Variants in SNU13 observed in about 807,000 individuals in gnomAD.
SNU13 encodes the protein small nuclear ribonucleoprotein 13, also known as NHP2-like protein 1.
SNU13 carries 2 observed loss-of-function variants against 12.4 expected under a neutral mutation model. The observed-to-expected ratio is 0.16, with a 90% CI of 0.07 to 0.51. The LOEUF (loss-of-function observed/expected upper bound fraction) is 0.51. Ranked by LOEUF, SNU13 falls within the 20% of genes least tolerant of loss-of-function variation. The pLI, the probability that SNU13 is intolerant of heterozygous loss-of-function variation, is 0.96. For missense variants in SNU13, 66 were observed against 157.8 expected, an observed-to-expected ratio of 0.42 and a Z score of 3.12; for synonymous variants, 68 against 66.5, an observed-to-expected ratio of 1.02 and a Z score of -0.11.
chr22:41,683,677 A>G (rs1278416351), intron 1 of SNU13, among the ~76,000 whole-genome samples: 1 of 152,234 alleles, frequency 6.6e-6, no homozygotes, highest in African/African-American at 2.4e-5. Context: ...GAGTCAAAAG[A>G]TATAATATGC....
intron 2 of SNU13, among the ~76,000 whole-genome samples, chr22:41,679,006 C>A (rs1601570772): frequency 6.6e-6 from 1 of 152,158 alleles, no homozygotes; most frequent in African/African-American, 2.4e-5. Flanking sequence ...TGCTGTTATC[C>A]TAACACTTTG....
At chr22:41,677,414 A>G (rs1000288149) in intron 2 of SNU13, among the ~76,000 whole-genome samples, 3 of 152,038 alleles carry the variant, frequency 2.0e-5, no homozygotes, top group Non-Finnish European at 4.4e-5. Context: ...AGTTCCAGCT[A>G]CCTGGGACGC....
intron 1 of SNU13, chr22:41,681,657 T>C (rs970519370): frequency 6.6e-6 from 1 of 152,130 alleles, no homozygotes; most frequent in African/African-American, 2.4e-5. Context: ...AAATTCTTAC[T>C]TTATAGATAT....
At chr22:41,688,428 CA>C (rs2068330035) in intron 1 of SNU13, 3 of 237,428 alleles carry the variant, frequency 1.3e-5, no homozygotes, top group Non-Finnish European at 2.4e-5. Flanking sequence ...TGAAAAGAAA[CA>C]AGGAAAAAAA....
At position 41,688,861 on chromosome 22, in the gene SNU13, TG is replaced by T; in HGVS notation, c.-66del. The T allele has an allele frequency of 6.5e-7, 1 of 1,533,428 alleles. No homozygotes were observed. Among genetic ancestry groups the T allele is most frequent in the African/African-American group, 1.4e-5 (1 of 73,154 alleles). The allele number at this position is 1,533,428 out of a possible 1,614,324, so 95.0% of individuals were successfully genotyped here. A position where few individuals can be genotyped will look rare whatever the true frequency, so the allele number is the denominator to read the frequency against. On this transcript the variant is annotated 5_prime_UTR_variant, in exon 1 of 3. Coordinates refer to ENST00000401959, the MANE Select transcript of SNU13 (RefSeq NM_001003796.2). ...AGCTGACGTTTCAGAAGCACTCGCG[TG>T]CACCGGAAAAACTCACAGAAGCAGC...
At chr22:41,688,953 C>T, upstream of SNU13, 1 of 1,367,658 alleles carries the variant, frequency 7.3e-7, no homozygotes, top group Non-Finnish European at 9.5e-7. Context: ...GCCCCGCCCT[C>T]TACGGGGGCA....
chr22:41,685,629 G>A (rs1209180390), intron 1 of SNU13, among the ~76,000 whole-genome samples: 1 of 151,348 alleles, frequency 6.6e-6, no homozygotes, highest in Non-Finnish European at 1.5e-5. Flanking sequence ...TGGGTTTACA[G>A]GCATGAGCCA....
At chr22:41,678,008 C>A (rs1212143767) in intron 2 of SNU13, among the ~76,000 whole-genome samples, 1 of 150,728 alleles carries the variant, frequency 6.6e-6, no homozygotes, top group Non-Finnish European at 1.5e-5. Context: ...CGGAGTCTCA[C>A]TCTGTCGCCC....
At chr22:41,682,235 G>A (rs1176462701) in intron 1 of SNU13, 17 of 1,063,282 alleles carry the variant, frequency 1.6e-5, no homozygotes, top group Non-Finnish European at 2.2e-5. Context: ...GCCCGACACC[G>A]CGCACCTGCC....
rs569307972 is a variant in SNU13 at position 41,687,076 on chromosome 22, C to G, written c.3+1718G>C. 4.6e-5 allele frequency among the ~76,000 whole-genome samples: 7 copies of G among 152,132 alleles called. No homozygotes were observed. In the South Asian group the frequency reaches 1.2e-3, roughly 27 times the overall value. ...GTTCAAGCGATTCTCCTTGCCTCAGCCTCCCAAGTAGCTGGGATTACAGGT... is the reference window on the plus strand; with the variant it reads ...GTTCAAGCGATTCTCCTTGCCTCAGGCTCCCAAGTAGCTGGGATTACAGGT... On this transcript the variant is annotated intron_variant, in intron 1 of 2. Transcript: ENST00000401959.
chr22:41,686,320 T>A (rs995199046), intron 1 of SNU13, among the ~76,000 whole-genome samples: 4 of 151,234 alleles, frequency 2.6e-5, no homozygotes, highest in Non-Finnish European at 4.4e-5. Context: ...TTTTTTTTTT[T>A]AAGAGACGGC....
At chr22:41,679,419 G>A (rs1174053039) in intron 2 of SNU13, among the ~76,000 whole-genome samples, 1 of 152,084 alleles carries the variant, frequency 6.6e-6, no homozygotes, top group African/African-American at 2.4e-5. Context: ...AGCTGGACGT[G>A]GTGGTGCATG....
upstream of SNU13, chr22:41,689,161 A>T: frequency 2.1e-6 from 2 of 934,256 alleles, no homozygotes; most frequent in Non-Finnish European, 2.6e-6. Flanking sequence ...CAGGAGTTCG[A>T]GACCAGCCTG....
At chr22:41,687,169 G>A (rs1027269726) in intron 1 of SNU13, among the ~76,000 whole-genome samples, 3 of 151,048 alleles carry the variant, frequency 2.0e-5, no homozygotes, top group Non-Finnish European at 4.4e-5. Context: ...ATGTTGGCCA[G>A]GCTGGTCTCA....
intron 1 of SNU13, among the ~76,000 whole-genome samples, chr22:41,687,246 C>T (rs1055904118): frequency 3.3e-5 from 5 of 152,158 alleles, no homozygotes; most frequent in African/African-American, 4.8e-5. Context: ...CATGAGCCAC[C>T]GCGCCTGGCC....
intron 1 of SNU13, chr22:41,682,247 T>G: frequency 4.9e-6 from 6 of 1,215,860 alleles, no homozygotes; most frequent in Non-Finnish European, 7.3e-6. Flanking sequence ...GCACCTGCCT[T>G]TTCCTCCTTC....
intron 2 of SNU13, 48 bp downstream of exon 2, chr22:41,680,196 A>G (rs1329909442): frequency 1.9e-6 from 3 of 1,571,216 alleles, no homozygotes; most frequent in Non-Finnish European, 1.7e-6. Flanking sequence ...CCCCAGATGG[A>G]AACAGGTGCC....
chr22:41,677,944 TC>T (rs1006381092), intron 2 of SNU13, among the ~76,000 whole-genome samples: 31 of 151,030 alleles, frequency 2.1e-4, no homozygotes, highest in Middle Eastern at 3.5e-3. Context: ...GCCATTCCTA[TC>T]CCCCTTCTCT....
At chr22:41,679,146 C>T (rs531090464) in intron 2 of SNU13, among the ~76,000 whole-genome samples, 4 of 152,182 alleles carry the variant, frequency 2.6e-5, no homozygotes, top group African/African-American at 9.6e-5. Context: ...CAGTGGCTCA[C>T]GCCTGTAATC....
Sources: allele counts gnomAD v4.1 joint callset (sites outside exome capture counted in the v4.1 genomes callset), GRCh38; gene constraint gnomAD v4.1.1; transcripts MANE v1.5; gene names NCBI Gene and HGNC (gene_info 2026-07-23, HGNC 2026-07-21).